The following BRINP3 variants were observed in gnomAD, a reference collection of about 807,000 sequenced individuals.
The protein encoded by BRINP3 is BMP/retinoic acid inducible neural specific 3.
In BRINP3, 19 loss-of-function variants were observed where a neutral mutation model predicts 71.0. That is an observed-to-expected ratio of 0.27 (90% CI 0.19 to 0.39). BRINP3 has a LOEUF of 0.39. BRINP3 is among the 10% of genes least tolerant of loss of function. The pLI is 1.00. For synonymous variants in BRINP3, 380 were observed against 337.7 expected, an observed-to-expected ratio of 1.13 and a Z score of -1.37; for missense variants, 959 against 940.8, an observed-to-expected ratio of 1.02 and a Z score of -0.25.
intron 7 of BRINP3, among the ~76,000 whole-genome samples, chr1:190,151,235 T>C (rs184777212): frequency 1.3e-5 from 2 of 152,306 alleles, no homozygotes; most frequent in African/African-American, 4.8e-5. Flanking sequence ...ACAAGTAAAA[T>C]TGTTTAGAAG....
chr1:190,221,637 G>C (rs954605964), intron 6 of BRINP3, among the ~76,000 whole-genome samples: 1 of 151,984 alleles, frequency 6.6e-6, no homozygotes, highest in Non-Finnish European at 1.5e-5. Flanking sequence ...AATGAATAAA[G>C]AAGTAAGACC....
At chr1:190,112,298 A>G (rs965978550) in intron 7 of BRINP3, among the ~76,000 whole-genome samples, 1 of 152,188 alleles carries the variant, frequency 6.6e-6, no homozygotes, top group African/African-American at 2.4e-5. Context: ...AGCAATCCAT[A>G]TCACAGTGTT....
Position 190,265,870 on chromosome 1 carries a change from T to C in BRINP3, c.428-815A>G, listed in dbSNP as rs145475056. On this transcript the variant is annotated intron_variant, in intron 3 of 7. Transcript: ENST00000367462. ...AAGCATGTGTATGCATATACAGGTA[T>C]GTATATATATGTAATAAATTCAGAA... 6.5e-3 allele frequency among the ~76,000 whole-genome samples: 997 copies of C among 152,308 alleles called. 6 individuals carry two copies. Among genetic ancestry groups the C allele is most frequent in the African/African-American group, 0.021 (885 of 41,580 alleles).
At chr1:190,184,038 T>C (rs1571933670) in intron 6 of BRINP3, among the ~76,000 whole-genome samples, 2 of 152,198 alleles carry the variant, frequency 1.3e-5, no homozygotes, top group South Asian at 2.1e-4. Context: ...GCATGTACCA[T>C]ATATATAGTG....
intron 3 of BRINP3, among the ~76,000 whole-genome samples, chr1:190,268,799 T>C (rs1661864603): frequency 6.6e-6 from 1 of 152,228 alleles, no homozygotes; most frequent in East Asian, 1.9e-4. Context: ...GATCACACCA[T>C]TTAAACAGCA....
At chr1:190,125,390 C>G (rs1654006716) in intron 7 of BRINP3, among the ~76,000 whole-genome samples, 1 of 150,872 alleles carries the variant, frequency 6.6e-6, no homozygotes, top group Non-Finnish European at 1.5e-5. Context: ...TGTAGATATG[C>G]CCATATATCT....
At chr1:190,189,736 T>C (rs1653868005) in intron 6 of BRINP3, among the ~76,000 whole-genome samples, 2 of 152,296 alleles carry the variant, frequency 1.3e-5, no homozygotes, top group South Asian at 4.1e-4. Context: ...GAATTCTTTA[T>C]CAGACAATTT....
intron 7 of BRINP3, 144 bp downstream of exon 7, chr1:190,160,524 A>C (rs1028571369): frequency 1.5e-5 from 9 of 602,192 alleles, no homozygotes; most frequent in Non-Finnish European, 2.5e-5. Context: ...TTATTATTTG[A>C]GACAATATAT....
chr1:190,352,839 T>TTC (rs35659970), intron 2 of BRINP3, among the ~76,000 whole-genome samples: 80,620 of 146,234 alleles, frequency 0.55, 22,676 homozygotes, highest in Non-Finnish European at 0.64. Flanking sequence ...GCAACAGATA[T>TTC]TCTCTCTCTC....
At chr1:190,445,573 TCACA>T (rs34406812) in intron 2 of BRINP3, among the ~76,000 whole-genome samples, 35 of 148,886 alleles carry the variant, frequency 2.4e-4, no homozygotes, top group East Asian at 7.9e-4. Flanking sequence ...TAACACATAC[TCACA>T]CACACACACA....
chr1:190,249,837 A>T (rs1225788312), intron 4 of BRINP3, among the ~76,000 whole-genome samples: 1 of 151,968 alleles, frequency 6.6e-6, no homozygotes, highest in Non-Finnish European at 1.5e-5. Context: ...AGTCAACAGT[A>T]TTATTAAATT....
At chr1:190,296,556 G>T (rs753633848) in intron 2 of BRINP3, among the ~76,000 whole-genome samples, 23 of 151,966 alleles carry the variant, frequency 1.5e-4, no homozygotes, top group Non-Finnish European at 2.8e-4. Flanking sequence ...CATAGTACTG[G>T]AAATTCTAGC....
chr1:190,197,016 A>G lies in BRINP3; in HGVS notation c.961+29066T>C, dbSNP rs188368878. On this transcript the variant is annotated intron_variant, in intron 6 of 7. Coordinates refer to ENST00000367462, the MANE Select transcript of BRINP3 (RefSeq NM_199051.3). ...TGCCACTAATAAAGTCATAGGAGCG[A>G]CCTGGCAATTTATAAAGAATGGAGA... is the stretch of plus-strand genomic sequence containing the variant. 2.7e-3 allele frequency among the ~76,000 whole-genome samples: 411 copies of G among 151,890 alleles called. 1 individual carries two copies. The highest frequency in any genetic ancestry group is 3.2e-3 in the Non-Finnish European group (215 of 67,930).
chr1:190,238,561 G>A (rs969707018), intron 4 of BRINP3, among the ~76,000 whole-genome samples: 1 of 151,944 alleles, frequency 6.6e-6, no homozygotes, highest in Non-Finnish European at 1.5e-5. Flanking sequence ...TCAAAGAGCT[G>A]GAAATTAAAA....
chr1:190,361,787 G>C (rs1669163941), intron 2 of BRINP3, among the ~76,000 whole-genome samples: 1 of 152,098 alleles, frequency 6.6e-6, no homozygotes, highest in South Asian at 2.1e-4. Context: ...GTACAAGGCG[G>C]CTACATGCAA....
chr1:190,257,067 T>C (rs1347814353), intron 4 of BRINP3, among the ~76,000 whole-genome samples: 1 of 152,220 alleles, frequency 6.6e-6, no homozygotes, highest in Non-Finnish European at 1.5e-5. Flanking sequence ...TCCTGGATGA[T>C]ATCCTGAAGA....
intron 6 of BRINP3, among the ~76,000 whole-genome samples, chr1:190,211,349 G>A (rs946939789): frequency 2.0e-5 from 3 of 151,906 alleles, no homozygotes; most frequent in African/African-American, 7.2e-5. Context: ...GAGAACCCTG[G>A]ATAATACAGG....
chr1:190,383,403 A>C (rs1670676675), intron 2 of BRINP3, among the ~76,000 whole-genome samples: 1 of 152,096 alleles, frequency 6.6e-6, no homozygotes, highest in South Asian at 2.1e-4. Context: ...AAGAGAATGC[A>C]ATCAGTGTAG....
chr1:190,289,993 C>G (rs1663736851), intron 2 of BRINP3, among the ~76,000 whole-genome samples: 1 of 151,908 alleles, frequency 6.6e-6, no homozygotes, highest in Non-Finnish European at 1.5e-5. Context: ...ATTAAATACA[C>G]TCGGAATCAT....
Sources: allele counts gnomAD v4.1 joint callset (sites outside exome capture counted in the v4.1 genomes callset), GRCh38; gene constraint gnomAD v4.1.1; transcripts MANE v1.5; gene names NCBI Gene and HGNC (gene_info 2026-07-23, HGNC 2026-07-21).